Variants in ANO4 observed in about 807,000 individuals in gnomAD.
ANO4 encodes anoctamin-4.
A neutral mutation model predicts 141.9 loss-of-function variants in ANO4; 69 were observed. That is an observed-to-expected ratio of 0.49 (90% confidence interval 0.40 to 0.59). The LOEUF is 0.59. ANO4 is among the 20% of genes least tolerant of loss of function. The probability of loss-of-function intolerance (pLI) is 0.00; values close to 1 mark genes in which losing one functional copy is unlikely to be tolerated. For missense variants in ANO4, 894 were observed against 1,162.2 expected, an observed-to-expected ratio of 0.77 and a Z score of 3.36; for synonymous variants, 350 against 394.3, an observed-to-expected ratio of 0.89 and a Z score of 1.33.
chr12:101,045,647 A>G (rs2047589027), intron 13 of ANO4, among the ~76,000 whole-genome samples: 1 of 151,948 alleles, frequency 6.6e-6, no homozygotes, highest in African/African-American at 2.4e-5. Flanking sequence ...CAGAAACCCA[A>G]CTCCTACTGG....
intron 1 of ANO4, among the ~76,000 whole-genome samples, chr12:100,805,087 G>A (rs1365234517): frequency 6.6e-6 from 1 of 151,900 alleles, no homozygotes; most frequent in Non-Finnish European, 1.5e-5. Flanking sequence ...GTTGGGTTTT[G>A]CATTTAAGTC....
chr12:101,100,141 A>G (rs1248843911), intron 22 of ANO4, among the ~76,000 whole-genome samples: 1 of 152,200 alleles, frequency 6.6e-6, no homozygotes, highest in Non-Finnish European at 1.5e-5. Flanking sequence ...ACTTAGAGCA[A>G]TGCCTAGCTC....
At chr12:100,782,547 G>A (rs1472408126) in intron 3 of ANO4, among the ~76,000 whole-genome samples, 1 of 151,964 alleles carries the variant, frequency 6.6e-6, no homozygotes, top group African/African-American at 2.4e-5. Flanking sequence ...TTTCATGGAG[G>A]CATAATGAAG....
At chr12:100,983,920 A>G (rs1207164628) in intron 7 of ANO4, among the ~76,000 whole-genome samples, 1 of 152,158 alleles carries the variant, frequency 6.6e-6, no homozygotes, top group African/African-American at 2.4e-5. Flanking sequence ...AGAGGAAGAC[A>G]CAAACTGCTG....
intron 1 of ANO4, among the ~76,000 whole-genome samples, chr12:100,895,226 T>C (rs2040292764): frequency 6.6e-6 from 1 of 152,036 alleles, no homozygotes. Context: ...TTTTTCAGTG[T>C]TTTGAAAAGT....
intron 8 of ANO4, among the ~76,000 whole-genome samples, chr12:101,019,180 T>G (rs542537477): frequency 1.3e-5 from 2 of 152,224 alleles, no homozygotes; most frequent in African/African-American, 4.8e-5. Context: ...CAAGGAAAGT[T>G]TGCAGGGTTG....
intron 1 of ANO4, among the ~76,000 whole-genome samples, chr12:100,888,449 C>T (rs7136618): frequency 0.38 from 57,263 of 152,128 alleles, 11,167 homozygotes; most frequent in African/African-American, 0.47. Flanking sequence ...ATTGGAGCCG[C>T]GCAAGAGCAG....
At chr12:101,079,373 C>A in intron 15 of ANO4, 98 bp downstream of exon 15, 2 of 974,424 alleles carry the variant, frequency 2.1e-6, no homozygotes, top group South Asian at 1.4e-5. Context: ...TGACGGAAGT[C>A]AGGTGTACTC....
intron 1 of ANO4, among the ~76,000 whole-genome samples, chr12:100,799,672 CG>C (rs2034562232): frequency 6.6e-6 from 1 of 152,074 alleles, no homozygotes; most frequent in Admixed American, 6.6e-5. Context: ...ACCCAGGAGG[CG>C]GAGGTTGCAG....
intron 3 of ANO4, among the ~76,000 whole-genome samples, chr12:100,741,873 G>A (rs2031880335): frequency 6.6e-6 from 1 of 152,098 alleles, no homozygotes; most frequent in Non-Finnish European, 1.5e-5. Context: ...GTAGCTGAAA[G>A]CTTATGGCAT....
chr12:100,866,822 T>G (rs974773585), intron 1 of ANO4, among the ~76,000 whole-genome samples: 1 of 152,222 alleles, frequency 6.6e-6, no homozygotes, highest in Non-Finnish European at 1.5e-5. Context: ...TTCCTGGTCC[T>G]GTGCATTCTG....
At chr12:100,790,260 G>T (rs1368785525), upstream of ANO4, among the ~76,000 whole-genome samples, 1 of 152,214 alleles carries the variant, frequency 6.6e-6, no homozygotes, top group Non-Finnish European at 1.5e-5. Flanking sequence ...TGAATGTCAG[G>T]TGCAGAAGTG....
chr12:100,904,683 T>C (rs1049392957), intron 2 of ANO4, among the ~76,000 whole-genome samples: 1 of 152,142 alleles, frequency 6.6e-6, no homozygotes, highest in African/African-American at 2.4e-5. Flanking sequence ...GGCAGGACCT[T>C]ATAGGCCATT....
intron 3 of ANO4, among the ~76,000 whole-genome samples, chr12:100,749,755 A>T (rs1002517150): frequency 2.0e-5 from 3 of 152,246 alleles, no homozygotes; most frequent in African/African-American, 7.2e-5. Context: ...ATAAAATCAG[A>T]TGGCTTTAAG....
intron 8 of ANO4, among the ~76,000 whole-genome samples, chr12:101,006,312 A>G (rs2045869414): frequency 6.6e-6 from 1 of 152,172 alleles, no homozygotes; most frequent in Non-Finnish European, 1.5e-5. Context: ...TTGGCATTCT[A>G]ATCATCATTA....
rs142720552 is a variant in ANO4, at chr12:100,757,787, G to A, written c.358+17682G>A. Reference sequence around the variant, plus strand: ...AACATATTGTAAAGTCTAAAGTGCCGTTAAATTTATCAAGGGCAATTGTCT... The same window carrying A: ...AACATATTGTAAAGTCTAAAGTGCCATTAAATTTATCAAGGGCAATTGTCT... On this transcript the variant is annotated intron_variant, in intron 3 of 29. Transcript: ENST00000644049. 1.3e-3 allele frequency among the ~76,000 whole-genome samples: 204 copies of A among 152,274 alleles called. 1 individual carries two copies. Among genetic ancestry groups the A allele is most frequent in the African/African-American group, 4.5e-3 (188 of 41,550 alleles).
chr12:100,726,106 C>T (rs1565840352), intron 1 of ANO4, among the ~76,000 whole-genome samples: 1 of 152,186 alleles, frequency 6.6e-6, no homozygotes, highest in African/African-American at 2.4e-5. Flanking sequence ...AATGTCCTCT[C>T]ACCTGAAATT....
At chr12:101,123,105 C>G (rs967595405) in intron 26 of ANO4, among the ~76,000 whole-genome samples, 4 of 152,182 alleles carry the variant, frequency 2.6e-5, no homozygotes, top group African/African-American at 9.7e-5. Context: ...AAGGTTGCCT[C>G]TCGGCTTGGA....
Position 100,881,669 on chromosome 12 carries a change from G to A in ANO4, c.-140-19977G>A, listed in dbSNP as rs76256412. On this transcript the variant is annotated intron_variant, in intron 1 of 27. Coordinates refer to ENST00000392977, the MANE Select transcript of ANO4 (RefSeq NM_001286615.2). ...TTCTCAACCTCAGTTTCCTCATCTG[G>A]AAAATGAGGGTGTTGGAGCAGACGA... is the stretch of plus-strand genomic sequence containing the variant. 7.2e-3 allele frequency among the ~76,000 whole-genome samples: 1,100 copies of A among 152,276 alleles called. 14 individuals are homozygous for A. Among genetic ancestry groups the A allele is most frequent in the Middle Eastern group, 0.014 (4 of 294 alleles).
Sources: gnomAD v4.1 joint callset for allele counts (sites outside exome capture counted in the v4.1 genomes callset) on GRCh38, gnomAD v4.1.1 for gene constraint, MANE v1.5 for transcripts, NCBI Gene and HGNC (gene_info 2026-07-23, HGNC 2026-07-21) for gene names.